The following SP140L variants were observed in gnomAD, a reference collection of about 807,000 sequenced individuals.
SP140L encodes the protein nuclear body protein SP140-like protein.
Under a neutral mutation model 84.3 loss-of-function variants are expected in SP140L, and 64 were observed. The ratio of observed to expected loss-of-function variants is 0.76; its 90% CI spans 0.62 to 0.94. SP140L has a LOEUF of 0.94. Ranked by LOEUF, SP140L falls within the 40% of genes least tolerant of loss-of-function variation. The probability of loss-of-function intolerance (pLI) is 0.00; values close to 1 mark genes in which losing one functional copy is unlikely to be tolerated. For synonymous variants in SP140L, 242 were observed against 236.9 expected, an observed-to-expected ratio of 1.02 and a Z score of -0.20; for missense variants, 628 against 692.5, an observed-to-expected ratio of 0.91 and a Z score of 1.05.
At chr2:230,333,572 G>T (rs571326706) in intron 2 of SP140L, among the ~76,000 whole-genome samples, 1 of 152,090 alleles carries the variant, frequency 6.6e-6, no homozygotes, top group Non-Finnish European at 1.5e-5. Flanking sequence ...TTGCCTTGGC[G>T]TGAGTGTTGT....
intron 10 of SP140L, 53 bp from the exon 11 acceptor site, chr2:230,389,866 G>C: frequency 6.5e-7 from 1 of 1,533,142 alleles, no homozygotes; most frequent in Non-Finnish European, 9.0e-7. Context: ...TCAGTGGGAA[G>C]GGGGGATGTG....
chr2:230,357,730 A>G, intron 2 of SP140L, 75 bp from the exon 3 acceptor site: 1 of 1,440,264 alleles, frequency 6.9e-7, no homozygotes, highest in East Asian at 2.3e-5. Context: ...TATCCGTTAT[A>G]CATAAAATCT....
intron 1 of SP140L, among the ~76,000 whole-genome samples, chr2:230,328,453 T>A (rs1259803732): frequency 6.6e-6 from 1 of 152,266 alleles, no homozygotes; most frequent in African/African-American, 2.4e-5. Flanking sequence ...CTACTCATTT[T>A]AATGGTGGAA....
At chr2:230,377,608 A>G (rs556855767) in intron 7 of SP140L, among the ~76,000 whole-genome samples, 1 of 152,302 alleles carries the variant, frequency 6.6e-6, no homozygotes, top group African/African-American at 2.4e-5. Flanking sequence ...GAACATCTGA[A>G]CACAAATCTT....
At chr2:230,396,204 G>T (rs2062039798) in intron 13 of SP140L, among the ~76,000 whole-genome samples, 1 of 152,208 alleles carries the variant, frequency 6.6e-6, no homozygotes, top group Non-Finnish European at 1.5e-5. Flanking sequence ...CAGACTCCCT[G>T]CAGGGAATGG....
intron 5 of SP140L, among the ~76,000 whole-genome samples, chr2:230,370,563 T>C (rs1288398836): frequency 6.6e-6 from 1 of 152,132 alleles, no homozygotes; most frequent in Middle Eastern, 3.2e-3. Context: ...ACTAGAAAAT[T>C]ACCAAATGAC....
chr2:230,364,281 C>A (rs1280370285), intron 5 of SP140L, among the ~76,000 whole-genome samples: 1 of 152,022 alleles, frequency 6.6e-6, no homozygotes, highest in Admixed American at 6.6e-5. Flanking sequence ...ATTAATTAAT[C>A]CAATCCATGA....
Position 230,328,697 on chromosome 2 carries a change from G to A in SP140L, c.33-60G>A, listed in dbSNP as rs1388554273. ...TGCCTAAACCTTAAAAAGTGGAATTGTTGAAGCAAAGGGTGCTGTTATTTA... is the reference window on the plus strand; with the variant it reads ...TGCCTAAACCTTAAAAAGTGGAATTATTGAAGCAAAGGGTGCTGTTATTTA... On this transcript the variant is annotated intron_variant, in intron 1 of 18. Coordinates refer to ENST00000415673, the MANE Select transcript of SP140L (RefSeq NM_138402.6). 12 of 1,576,636 alleles carry A rather than the reference G, an allele frequency of 7.6e-6. No homozygotes were observed. In the African/African-American group the frequency reaches 1.4e-4, roughly 18 times the overall value.
intron 15 of SP140L, 42 bp downstream of exon 15, chr2:230,400,284 C>A: frequency 6.3e-7 from 1 of 1,589,332 alleles, no homozygotes; most frequent in Non-Finnish European, 8.6e-7. Flanking sequence ...CTTTAAGGGA[C>A]CTTCCACCTG....
intron 1 of SP140L, among the ~76,000 whole-genome samples, chr2:230,328,317 A>G (rs1270640573): frequency 6.6e-6 from 1 of 152,362 alleles, no homozygotes; most frequent in Non-Finnish European, 1.5e-5. Flanking sequence ...AGTCTTCGGC[A>G]TAACTTTTCT....
intron 2 of SP140L, among the ~76,000 whole-genome samples, chr2:230,332,526 G>A (rs1044912473): frequency 6.6e-6 from 1 of 152,080 alleles, no homozygotes; most frequent in African/African-American, 2.4e-5. Context: ...ATCCATTCTC[G>A]TAATACATCA....
chr2:230,371,793 C>T (rs1192091151), intron 7 of SP140L, 142 bp downstream of exon 7: 5 of 723,294 alleles, frequency 6.9e-6, no homozygotes, highest in Non-Finnish European at 2.4e-6. Context: ...CAAAAAACGT[C>T]CACCTCCTAA....
At chr2:230,392,507 G>A (rs369374525) in intron 12 of SP140L, among the ~76,000 whole-genome samples, 7 of 152,136 alleles carry the variant, frequency 4.6e-5, no homozygotes, top group African/African-American at 1.7e-4. Flanking sequence ...TGTGCACTGA[G>A]AAAAAGAAGA....
chr2:230,342,840 A>T (rs1297511025), intron 2 of SP140L, among the ~76,000 whole-genome samples: 2 of 152,112 alleles, frequency 1.3e-5, no homozygotes, highest in Non-Finnish European at 2.9e-5. Flanking sequence ...CAAAGAACCA[A>T]GTCTGAGTTT....
intron 7 of SP140L, among the ~76,000 whole-genome samples, chr2:230,377,665 G>A (rs1316052789): frequency 6.6e-6 from 1 of 152,100 alleles, no homozygotes; most frequent in East Asian, 1.9e-4. Flanking sequence ...CAGGAGTGGT[G>A]CTATTGGGTC....
At chr2:230,379,996 G>A (rs1045425840) in intron 7 of SP140L, among the ~76,000 whole-genome samples, 12 of 151,928 alleles carry the variant, frequency 7.9e-5, no homozygotes, top group South Asian at 2.1e-4. Flanking sequence ...CTGCTTTATC[G>A]CTTTTCTATC....
At chr2:230,377,145 G>C (rs561745303) in intron 7 of SP140L, among the ~76,000 whole-genome samples, 4 of 152,212 alleles carry the variant, frequency 2.6e-5, no homozygotes, top group Admixed American at 2.0e-4. Context: ...GTTCTTCTCA[G>C]CTGTCTCTGA....
At chr2:230,397,388 G>T (rs2062098893) in intron 14 of SP140L, among the ~76,000 whole-genome samples, 1 of 152,164 alleles carries the variant, frequency 6.6e-6, no homozygotes, top group Admixed American at 6.5e-5. Context: ...GAAGCCATTA[G>T]GGTGCTGAGC....
intron 5 of SP140L, among the ~76,000 whole-genome samples, chr2:230,362,899 AG>A (rs2060763123): frequency 6.6e-6 from 1 of 151,590 alleles, no homozygotes; most frequent in Non-Finnish European, 1.5e-5. Context: ...AAAAAAAAAA[AG>A]AATAACATGA....
Sources: gnomAD v4.1 joint callset for allele counts (sites outside exome capture counted in the v4.1 genomes callset) on GRCh38, gnomAD v4.1.1 for gene constraint, MANE v1.5 for transcripts, NCBI Gene and HGNC (gene_info 2026-07-23, HGNC 2026-07-21) for gene names.